RNF144A: variants seen among roughly 807,000 people sequenced by gnomAD.
RNF144A encodes the protein ring finger protein 144A.
In RNF144A, 11 loss-of-function variants were observed where a neutral mutation model predicts 38.7. The observed-to-expected ratio is 0.28, with a 90% CI of 0.18 to 0.47. The LOEUF (loss-of-function observed/expected upper bound fraction) is 0.47, where lower values mean the gene tolerates loss of function less well. Among genes scored for constraint, RNF144A ranks in the 20% least tolerant of loss-of-function variants. RNF144A has a pLI of 0.99. For missense variants in RNF144A, 316 were observed against 377.2 expected, an observed-to-expected ratio of 0.84 and a Z score of 1.34; for synonymous variants, 149 against 143.9, an observed-to-expected ratio of 1.04 and a Z score of -0.25.
intron 6 of RNF144A, among the ~76,000 whole-genome samples, chr2:7,021,043 T>C (rs919745595): frequency 6.6e-6 from 1 of 152,056 alleles, no homozygotes; most frequent in African/African-American, 2.4e-5. Context: ...TGATCTGAAA[T>C]GGGGGTACAG....
intron 2 of RNF144A, among the ~76,000 whole-genome samples, chr2:6,966,849 G>A (rs1045628501): frequency 6.6e-6 from 1 of 152,184 alleles, no homozygotes; most frequent in Non-Finnish European, 1.5e-5. Context: ...TACTCCTGGT[G>A]GGGATTTTCT....
downstream of RNF144A, chr2:7,068,381 A>G (rs963417606): frequency 8.7e-6 from 5 of 574,752 alleles, no homozygotes; most frequent in Admixed American, 9.9e-5. Flanking sequence ...GTAGGATCTA[A>G]TGATTGGCTT....
chr2:6,953,864 T>A (rs1666836617), intron 2 of RNF144A, among the ~76,000 whole-genome samples: 1 of 152,230 alleles, frequency 6.6e-6, no homozygotes, highest in African/African-American at 2.4e-5. Flanking sequence ...GTTGGTGTAC[T>A]TGGCATTTTT....
chr2:6,985,619 A>G (rs1668904263), intron 2 of RNF144A, among the ~76,000 whole-genome samples: 1 of 152,174 alleles, frequency 6.6e-6, no homozygotes, highest in Admixed American at 6.5e-5. Context: ...CCACACGTGT[A>G]GCATGTGCTC....
chr2:6,938,011 G>A (rs1012417752), intron 1 of RNF144A, among the ~76,000 whole-genome samples: 5 of 152,178 alleles, frequency 3.3e-5, no homozygotes, highest in East Asian at 1.9e-4. Context: ...AACTAGGATG[G>A]CCCTGCAGAG....
At chr2:6,949,522 A>G (rs79479875) in intron 2 of RNF144A, among the ~76,000 whole-genome samples, 3,026 of 152,086 alleles carry the variant, frequency 0.02, 98 homozygotes, top group African/African-American at 0.07. Context: ...CATCCTCTGT[A>G]TTAAAAGGAT....
chr2:6,922,626 C>A (rs983256271), intron 1 of RNF144A, among the ~76,000 whole-genome samples: 2 of 136,958 alleles, frequency 1.5e-5, no homozygotes, highest in South Asian at 2.3e-4. Flanking sequence ...TCTTGTTTTT[C>A]TTTTTTTTTT....
chr2:7,071,291 A>T (rs1485131283), downstream of RNF144A, among the ~76,000 whole-genome samples: 1 of 152,070 alleles, frequency 6.6e-6, no homozygotes, highest in African/African-American at 2.4e-5. Flanking sequence ...CCAGCTGCAG[A>T]TGTGTGGTTA....
chr2:6,925,370 G>A (rs530898868), intron 1 of RNF144A, among the ~76,000 whole-genome samples: 2 of 152,248 alleles, frequency 1.3e-5, no homozygotes, highest in African/African-American at 4.8e-5. Context: ...AGGGCCAGGT[G>A]TATTAGGAAA....
At chr2:6,968,694 T>TG (rs1558392429) in intron 2 of RNF144A, among the ~76,000 whole-genome samples, 2 of 34,694 alleles carry the variant, frequency 5.8e-5, no homozygotes, top group Non-Finnish European at 1.7e-4. Context: ...TGTCAATGTG[T>TG]TTTTTTTTTT....
intron 2 of RNF144A, among the ~76,000 whole-genome samples, chr2:6,956,074 G>A (rs888985255): frequency 1.8e-4 from 28 of 152,070 alleles, no homozygotes; most frequent in African/African-American, 5.6e-4. Flanking sequence ...AAGCCCTCTG[G>A]GACCTTTAAA....
Position 6,962,411 on chromosome 2 carries a change from C to A in RNF144A, c.-12+21264C>A, listed in dbSNP as rs1335586786. Among the ~76,000 whole-genome samples, 2 of 152,160 alleles carry A rather than the reference C, an allele frequency of 1.3e-5. No homozygotes were observed. Among genetic ancestry groups the A allele is most frequent in the Non-Finnish European group, 2.9e-5 (2 of 68,024 alleles). ...ATCCCCCATAGAAGTTTCTGGCTTCCTTATTTATGTTTGCAGCTCCATTTC... is the reference window on the plus strand; with the variant it reads ...ATCCCCCATAGAAGTTTCTGGCTTCATTATTTATGTTTGCAGCTCCATTTC... On this transcript the variant is annotated intron_variant, in intron 2 of 8. Coordinates refer to ENST00000320892, the MANE Select transcript of RNF144A (RefSeq NM_014746.6). The surrounding 1 kb of genome is among the most constrained non-coding windows in gnomAD (Gnocchi z 4.1).
intron 1 of RNF144A, chr2:6,918,452 G>A (rs1664288703): frequency 6.6e-6 from 1 of 152,268 alleles, no homozygotes; most frequent in Admixed American, 6.5e-5. Flanking sequence ...AAAGTTCGTG[G>A]TCTTTTTTCT....
chr2:6,964,477 C>G (rs564346851), intron 2 of RNF144A, among the ~76,000 whole-genome samples: 1,611 of 152,262 alleles, frequency 0.011, 29 homozygotes, highest in African/African-American at 0.037. Flanking sequence ...TGGGTATATA[C>G]CCAAAGGGCT....
chr2:6,977,918 A>C (rs911090231), intron 2 of RNF144A, among the ~76,000 whole-genome samples: 1 of 151,880 alleles, frequency 6.6e-6, no homozygotes, highest in African/African-American at 2.4e-5. Flanking sequence ...TGTCGGGGGG[A>C]GCTGTTGGGG....
At position 7,042,879 on chromosome 2, in the gene RNF144A, C is replaced by A; in HGVS notation, c.*3119C>A. The A allele has an allele frequency of 1.0e-6, 1 of 981,858 alleles. No homozygotes were observed. Among genetic ancestry groups the A allele is most frequent in the Non-Finnish European group, 1.2e-6 (1 of 827,178 alleles). 60.8% of individuals were successfully genotyped at this position (981,858 alleles called of 1,614,324 possible). ...TCTGGCATTTTCTTTCTTTTTTTTT[C>A]TTTTTGAGACGGAGTTTCGCTTTTG... On this transcript the variant is annotated 3_prime_UTR_variant, in exon 9 of 9. Transcript: ENST00000320892.
chr2:7,032,836 T>G (rs1419003374), intron 8 of RNF144A, among the ~76,000 whole-genome samples: 2 of 152,216 alleles, frequency 1.3e-5, no homozygotes, highest in East Asian at 3.8e-4. Context: ...GAGGACAGGA[T>G]TCAACCCATA....
At chr2:6,975,963 T>C (rs1668287486) in intron 2 of RNF144A, among the ~76,000 whole-genome samples, 1 of 152,276 alleles carries the variant, frequency 6.6e-6, no homozygotes, top group Admixed American at 6.5e-5. Context: ...TCCATTTGAA[T>C]GGATAGAAGG....
intron 1 of RNF144A, chr2:6,933,095 C>CGT (rs2103282815): frequency 6.6e-6 from 1 of 152,378 alleles, no homozygotes; most frequent in East Asian, 1.9e-4. Context: ...CAGAGCTATA[C>CGT]TGCTTTTTGA....
Sources: gnomAD v4.1 joint callset for allele counts (sites outside exome capture counted in the v4.1 genomes callset) on GRCh38, gnomAD v4.1.1 for gene constraint, Gnocchi (gnomAD v3.1) non-coding constraint, MANE v1.5 for transcripts, NCBI Gene and HGNC (gene_info 2026-07-23, HGNC 2026-07-21) for gene names.